Variants in SULT4A1 observed in about 807,000 individuals in gnomAD.
SULT4A1 encodes sulfotransferase 4A1.
A neutral mutation model predicts 35.2 loss-of-function variants in SULT4A1; 11 were observed. The observed-to-expected ratio is 0.31, with a 90% CI of 0.20 to 0.52. SULT4A1 has a LOEUF of 0.52. Among genes scored for constraint, SULT4A1 ranks in the 20% least tolerant of loss-of-function variants. SULT4A1 has a pLI of 0.97. For missense variants in SULT4A1, 271 were observed against 383.7 expected (o/e 0.71, Z 2.45); for synonymous variants, 152 against 151.8 (o/e 1.00, Z -0.01).
In SULT4A1 at chr22:43,857,016, C is replaced by CTGATTA. The variant is rs138335419; in HGVS notation, c.169+5192_169+5197dup. On this transcript the variant is annotated intron_variant, in intron 1 of 6. Transcript: ENST00000330884. Reference sequence around the variant, plus strand: ...TAGACTCATGGAATTTTTAAGAAGTCTGATTAACATGTTAAAGGTTCCCAA... The same window carrying CTGATTA: ...TAGACTCATGGAATTTTTAAGAAGTCTGATTATGATTAACATGTTAAAGGTTCCCAA... Among the ~76,000 whole-genome samples the CTGATTA allele has an allele frequency of 7.7e-3, 1,171 of 152,146 alleles. 19 individuals are homozygous for CTGATTA. The highest frequency in any genetic ancestry group is 0.027 in the African/African-American group (1,137 of 41,510).
chr22:43,846,248 GCTCA>G (rs1475484218), intron 1 of SULT4A1, among the ~76,000 whole-genome samples: 5 of 152,186 alleles, frequency 3.3e-5, no homozygotes, highest in Non-Finnish European at 7.3e-5. Flanking sequence ...CTCAGATGCC[GCTCA>G]GTCAGCACAG....
At chr22:43,839,840 C>A in intron 3 of SULT4A1, 105 bp downstream of exon 3, 2 of 1,116,266 alleles carry the variant, frequency 1.8e-6, no homozygotes, top group East Asian at 2.6e-5. Flanking sequence ...GAAGACAGCC[C>A]CCAAGGCCAG....
intron 1 of SULT4A1, among the ~76,000 whole-genome samples, chr22:43,847,237 C>T (rs1023317647): frequency 6.6e-6 from 1 of 152,086 alleles, no homozygotes; most frequent in Non-Finnish European, 1.5e-5. Flanking sequence ...GGAACAGGCC[C>T]CGGCCTTCCT....
rs1362652452 is a variant in SULT4A1, at chr22:43,825,809, G to A, written c.*192C>T. ...GTAATCAGACATGGAGAGGCTGCAC[G>A]TTCTAAAGGCGAGACAGCTGCTTTC... On this transcript the variant is annotated 3_prime_UTR_variant, in exon 7 of 7. Transcript: ENST00000330884. 2.6e-5 allele frequency: 15 copies of A among 579,276 alleles called. No individual in the cohort carries two copies. Among genetic ancestry groups the A allele is most frequent in the Admixed American group, 6.4e-5 (2 of 31,216 alleles). The allele number at this position is 579,276 out of a possible 1,614,324, so 35.9% of individuals were successfully genotyped here.
intron 1 of SULT4A1, among the ~76,000 whole-genome samples, chr22:43,848,230 G>A (rs1056029653): frequency 6.6e-6 from 1 of 152,198 alleles, no homozygotes; most frequent in East Asian, 1.9e-4. Flanking sequence ...TCACAGAGCT[G>A]CTGGGGTCAA....
chr22:43,844,965 T>C (rs1292116572), intron 1 of SULT4A1, among the ~76,000 whole-genome samples: 1 of 152,090 alleles, frequency 6.6e-6, no homozygotes, highest in Non-Finnish European at 1.5e-5. Context: ...TCGAGGACCC[T>C]AGGGCCAGGC....
intron 2 of SULT4A1, among the ~76,000 whole-genome samples, chr22:43,840,258 C>T (rs554741653): frequency 7.1e-5 from 6 of 84,606 alleles, no homozygotes; most frequent in Admixed American, 3.4e-4. Flanking sequence ...GACCAGAGGA[C>T]GAGGGAAGGG....
At chr22:43,850,586 A>G (rs1420866113) in intron 1 of SULT4A1, among the ~76,000 whole-genome samples, 1 of 152,118 alleles carries the variant, frequency 6.6e-6, no homozygotes, top group African/African-American at 2.4e-5. Context: ...GCTTGGGGAC[A>G]TGCCCCTGTT....
At chr22:43,840,409 C>T (rs1182603412) in intron 2 of SULT4A1, among the ~76,000 whole-genome samples, 1 of 152,092 alleles carries the variant, frequency 6.6e-6, no homozygotes, top group Non-Finnish European at 1.5e-5. Context: ...AGGACAGCCT[C>T]CCTTGTCACC....
At chr22:43,833,969 G>A (rs964915339) in intron 4 of SULT4A1, among the ~76,000 whole-genome samples, 6 of 152,224 alleles carry the variant, frequency 3.9e-5, no homozygotes, top group African/African-American at 1.4e-4. Context: ...CAGCCTCTGA[G>A]AAGGTGGTCC....
chr22:43,860,570 C>A (rs1048423916), intron 1 of SULT4A1, among the ~76,000 whole-genome samples: 1 of 152,134 alleles, frequency 6.6e-6, no homozygotes, highest in Non-Finnish European at 1.5e-5. Flanking sequence ...TGGTAAGCCG[C>A]AAAACTGCAT....
chr22:43,839,115 G>C, intron 3 of SULT4A1, 122 bp from the exon 4 acceptor site: 1 of 1,319,730 alleles, frequency 7.6e-7, no homozygotes, highest in Admixed American at 2.0e-5. Flanking sequence ...TGCTTCCAGC[G>C]TCCAGCTGGG....
At position 43,849,568 on chromosome 22, in the gene SULT4A1, C is replaced by T. The variant is rs536630030; in HGVS notation, c.170-7636G>A. Among the ~76,000 whole-genome samples, 335 of 152,208 alleles carry T rather than the reference C, an allele frequency of 2.2e-3. 5 individuals carry two copies. The highest frequency in any genetic ancestry group is 3.4e-3 in the Middle Eastern group (1 of 294). On this transcript the variant is annotated intron_variant, in intron 1 of 6. Transcript: ENST00000330884. ...GAGGAACAGGCTCATGGTGTAGCTT[C>T]GGAGAGTCTGGCCAGGGATGGCCAG...
intron 1 of SULT4A1, among the ~76,000 whole-genome samples, chr22:43,848,060 T>C (rs2148297561): frequency 6.6e-6 from 1 of 152,086 alleles, no homozygotes; most frequent in Admixed American, 6.5e-5. Flanking sequence ...TGCCTGGCGC[T>C]CTGACCCCAG....
intron 5 of SULT4A1, among the ~76,000 whole-genome samples, chr22:43,830,048 C>T (rs2063314856): frequency 6.6e-6 from 1 of 152,252 alleles, no homozygotes; most frequent in African/African-American, 2.4e-5. Context: ...CAGCTCCTCC[C>T]TGGGTCCCCA....
chr22:43,862,320 C>G lies in SULT4A1; in HGVS notation c.63G>C (p.Glu21Asp), dbSNP rs550696475. ...TPGEFESKYF[E>D]FHGVRLPPFC... is the part of the protein sequence containing the mutation. ...AGGGCGGCAGCCGCACGCCATGGAA[C>G]TCGAAGTACTTGCTCTCGAACTCCC... The change falls in exon 1 of 7, where the codon GAG becomes GAC. Residue 21 changes from glutamate to aspartate, a missense_variant. Coordinates refer to ENST00000330884, the MANE Select transcript of SULT4A1 (RefSeq NM_014351.4). The G allele has an allele frequency of 6.4e-7, 1 of 1,557,414 alleles. No individual in the cohort carries two copies. Among genetic ancestry groups the G allele is most frequent in the South Asian group, 1.1e-5 (1 of 87,252 alleles).
At chr22:43,858,720 G>A (rs1159063168) in intron 1 of SULT4A1, among the ~76,000 whole-genome samples, 2 of 151,872 alleles carry the variant, frequency 1.3e-5, no homozygotes, top group African/African-American at 2.4e-5. Context: ...CCACCCCCAC[G>A]CCTCTCTTAC....
chr22:43,826,559 C>A, intron 6 of SULT4A1: 6 of 985,138 alleles, frequency 6.1e-6, no homozygotes, highest in Non-Finnish European at 7.2e-6. Context: ...GCCCTTCCCA[C>A]GCCATTATCC....
intron 1 of SULT4A1, among the ~76,000 whole-genome samples, chr22:43,849,764 C>T (rs2063499067): frequency 6.6e-6 from 1 of 152,204 alleles, no homozygotes; most frequent in Non-Finnish European, 1.5e-5. Context: ...AGTGCAGGTG[C>T]AAAAGGCTGT....
Sources: gnomAD v4.1 joint callset for allele counts (sites outside exome capture counted in the v4.1 genomes callset) on GRCh38, gnomAD v4.1.1 for gene constraint, MANE v1.5 for transcripts, NCBI Gene and HGNC (gene_info 2026-07-23, HGNC 2026-07-21) for gene names.